Variants in LGI2 observed in about 807,000 individuals in gnomAD.
LGI2 encodes the protein leucine rich repeat LGI family member 2.
A neutral mutation model predicts 52.0 loss-of-function variants in LGI2; 30 were observed. The ratio of observed to expected loss-of-function variants is 0.58; its 90% CI spans 0.43 to 0.78. The LOEUF (loss-of-function observed/expected upper bound fraction) is 0.78, where lower values mean the gene tolerates loss of function less well. Ranked by LOEUF, LGI2 falls within the 30% of genes least tolerant of loss-of-function variation. LGI2 has a pLI of 0.00. For missense variants in LGI2, 573 were observed against 692.5 expected (o/e 0.83, Z 1.94); for synonymous variants, 270 against 271.8 (o/e 0.99, Z 0.06).
chr4:24,993,094 T>C, the LGI2 span, among the ~76,000 whole-genome samples: 1 of 152,216 alleles, frequency 6.6e-6, no homozygotes, highest in African/African-American at 2.4e-5. Context: ...GGATAATGAT[T>C]GGACCTGCCT....
At chr4:25,005,251 T>G (rs981324355) in intron 7 of LGI2, among the ~76,000 whole-genome samples, 3 of 152,172 alleles carry the variant, frequency 2.0e-5, no homozygotes, top group Non-Finnish European at 2.9e-5. Flanking sequence ...CACTGACCAG[T>G]ATACTAAAAC....
rs147252015 is a variant in LGI2, at chr4:25,008,549, GTC to G, written c.820+3784_820+3785del. ...GCCTGGGTGACAAGAGTGAGACTCT[GTC>G]TCAAAAAAAAAAAAAAAAAAAAAAT... On this transcript the variant is annotated intron_variant, in intron 7 of 7. Transcript: ENST00000382114. 3.7e-3 allele frequency among the ~76,000 whole-genome samples: 258 copies of G among 69,200 alleles called. 4 individuals are homozygous for G. Among genetic ancestry groups the G allele is most frequent in the East Asian group, 0.016 (31 of 1,936 alleles). The allele number at this position is 69,200 out of a possible 152,430, so 45.4% of individuals were successfully genotyped here. A position where few individuals can be genotyped will look rare whatever the true frequency, so the allele number is the denominator to read the frequency against.
intron 3 of LGI2, among the ~76,000 whole-genome samples, chr4:25,026,146 C>G (rs1402805242): frequency 1.3e-5 from 2 of 151,348 alleles, no homozygotes; most frequent in African/African-American, 2.4e-5. Flanking sequence ...TGAACTCAGA[C>G]AAGAAAATGA....
Position 25,000,696 on chromosome 4 carries a change from C to A in LGI2, c.*2755G>T, listed in dbSNP as rs13120896. 0.47 allele frequency: 72,174 copies of A among 152,104 alleles called. 17,657 individuals are homozygous for A. Among genetic ancestry groups the A allele is most frequent in the East Asian group, 0.77 (3,988 of 5,170 alleles). 9.4% of individuals were successfully genotyped at this position (152,104 alleles called of 1,614,324 possible). A position where few individuals can be genotyped will look rare whatever the true frequency, so the allele number is the denominator to read the frequency against. The stretch of plus-strand genomic sequence containing the variant: ...AAGAAGAAATAAGCTGAGCAGACGA[C>A]CACCCAGTGGGTGATGGGAGGGAAA... On this transcript the variant is annotated 3_prime_UTR_variant, in exon 8 of 8. Transcript: ENST00000382114.
chr4:25,021,275 CTATT>C (rs76424709), intron 4 of LGI2, among the ~76,000 whole-genome samples: 2,046 of 152,322 alleles, frequency 0.013, 17 homozygotes, highest in Middle Eastern at 0.037. Context: ...ATTTCTAAAA[CTATT>C]TAACAGTTCC....
chr4:25,015,740 C>G (rs926918616), intron 6 of LGI2, among the ~76,000 whole-genome samples: 1 of 146,568 alleles, frequency 6.8e-6, no homozygotes, highest in South Asian at 2.4e-4. Context: ...TAGCTTTTAA[C>G]GAAGCAACAG....
chr4:25,003,370 T>C lies in LGI2; in HGVS notation c.*81A>G, dbSNP rs1342839330. On this transcript the variant is annotated 3_prime_UTR_variant, in exon 8 of 8. Coordinates refer to ENST00000382114, the MANE Select transcript of LGI2 (RefSeq NM_018176.4). Reference sequence around the variant, plus strand: ...TTAATTTCAGAGCTCTGAGCCTGGCTTTGATTTGTTTGTTGATTTTTCTTG... The same window carrying C: ...TTAATTTCAGAGCTCTGAGCCTGGCCTTGATTTGTTTGTTGATTTTTCTTG... 2 of 1,009,460 alleles carry C rather than the reference T, an allele frequency of 2.0e-6. No homozygotes were observed. Among genetic ancestry groups the C allele is most frequent in the African/African-American group, 1.6e-5 (1 of 61,542 alleles). The allele number at this position is 1,009,460 out of a possible 1,614,324, so 62.5% of individuals were successfully genotyped here. A position where few individuals can be genotyped will look rare whatever the true frequency, so the allele number is the denominator to read the frequency against.
chr4:25,022,979 CTG>C (rs1726021993), intron 4 of LGI2, among the ~76,000 whole-genome samples: 1 of 152,200 alleles, frequency 6.6e-6, no homozygotes, highest in Non-Finnish European at 1.5e-5. Flanking sequence ...TTAGTAGACT[CTG>C]TCTGGCCACC....
At position 25,030,764 on chromosome 4, in the gene LGI2, G is replaced by T; in HGVS notation, c.-71C>A. ...CCGCGCGCTCGGACCCGGCGCCGCT[G>T]CAGACGCGGGCGCCGCTCGCTGCTC... is the stretch of plus-strand genomic sequence containing the variant. On this transcript the variant is annotated 5_prime_UTR_variant, in exon 1 of 8. The change creates a premature stop within an existing upstream ORF in the 5' untranslated region. Transcript: ENST00000382114. The T allele has an allele frequency of 1.1e-6, 1 of 884,004 alleles. No homozygotes were observed. The highest frequency in any genetic ancestry group is 1.8e-5 in the African/African-American group (1 of 55,162). The allele number at this position is 884,004 out of a possible 1,614,324, so 54.8% of individuals were successfully genotyped here. A position where few individuals can be genotyped will look rare whatever the true frequency, so the allele number is the denominator to read the frequency against.
At chr4:25,018,228 C>T (rs995586719) in intron 5 of LGI2, 70 bp from the exon 6 acceptor site, 1 of 1,094,712 alleles carries the variant, frequency 9.1e-7, no homozygotes, top group African/African-American at 1.6e-5. Context: ...TTGGTAGTAA[C>T]ACGAAACTCC....
Position 25,028,559 on chromosome 4 carries a change from A to G in LGI2, c.217T>C (p.Phe73Leu). The G allele has an allele frequency of 6.2e-7, 1 of 1,613,268 alleles. No individual in the cohort carries two copies. The highest frequency in any genetic ancestry group is 8.5e-7 in the Non-Finnish European group (1 of 1,179,734). The change falls in exon 2 of 8, where the codon TTT (phenylalanine) becomes CTT (leucine). Residue 73 changes from phenylalanine (F) to leucine (L), a missense_variant. By Grantham distance (22) the Phe-to-Leu change is conservative. Coordinates refer to ENST00000382114, the MANE Select transcript of LGI2 (RefSeq NM_018176.4). ...AACATTCGGTCCTTGATTTCTGAAA[A>G]CGTCCCATTTACCAGGCTCCTACGG... ...ISSLSLVNGT[F>L]SEIKDRMFSH... is the part of the protein sequence containing the mutation.
chr4:25,019,099 G>C, intron 5 of LGI2, 68 bp downstream of exon 5: 1 of 951,426 alleles, frequency 1.1e-6, no homozygotes, highest in African/African-American at 1.6e-5. Flanking sequence ...AAAGGCGAGA[G>C]GGGATTGAAA....
intron 7 of LGI2, among the ~76,000 whole-genome samples, chr4:25,006,933 T>C (rs1725407473): frequency 6.6e-6 from 1 of 152,254 alleles, no homozygotes; most frequent in South Asian, 2.1e-4. Context: ...AGTTGTACTA[T>C]AAATGTGAAA....
Position 25,003,860 on chromosome 4 carries a change from G to A in LGI2, c.1229C>T (p.Pro410Leu). The change falls in exon 8 of 8, where the codon CCC becomes CTC. Residue 410 changes from proline (P) to leucine (L), a missense_variant. Transcript: ENST00000382114. ...QWNKSSKKFV[P>L]HGDIPNMEDV... The stretch of plus-strand genomic sequence containing the variant: ...CTCCATGTTGGGGATGTCACCATGG[G>A]GGACAAACTTCTTAGAGCTTTTATT... 6.2e-7 allele frequency: 1 copy of A among 1,614,158 alleles called. No individual in the cohort carries two copies. Among genetic ancestry groups the A allele is most frequent in the South Asian group, 1.1e-5 (1 of 91,076 alleles).
intron 7 of LGI2, among the ~76,000 whole-genome samples, chr4:25,011,207 C>T (rs1332551260): frequency 6.6e-6 from 1 of 152,170 alleles, no homozygotes; most frequent in African/African-American, 2.4e-5. Flanking sequence ...CCCTATCTTC[C>T]ATGTCAGGAC....
chr4:24,995,589 G>A (rs183388803), downstream of LGI2, among the ~76,000 whole-genome samples: 12 of 152,260 alleles, frequency 7.9e-5, no homozygotes, highest in East Asian at 2.1e-3. Flanking sequence ...TTCAGAGCAT[G>A]GTGGCTGGCC....
chr4:25,023,074 A>ATGATGATGATGT (rs1227281325), intron 4 of LGI2, among the ~76,000 whole-genome samples: 2 of 89,384 alleles, frequency 2.2e-5, no homozygotes, highest in East Asian at 6.5e-3. Context: ...GATGTTGATG[A>ATGATGATGATGT]TGATGATGAT....
At chr4:24,995,162 G>A (rs933161377), downstream of LGI2, among the ~76,000 whole-genome samples, 3 of 152,096 alleles carry the variant, frequency 2.0e-5, no homozygotes, top group Non-Finnish European at 2.9e-5. Context: ...TGGAAATGAC[G>A]TCTCTCTCTT....
chr4:25,013,895 G>T (rs1411092974), intron 6 of LGI2, among the ~76,000 whole-genome samples: 1 of 152,148 alleles, frequency 6.6e-6, no homozygotes, highest in Non-Finnish European at 1.5e-5. Context: ...GTTGGCACTA[G>T]CAGTGCCAAC....
Sources: allele counts gnomAD v4.1 joint callset (sites outside exome capture counted in the v4.1 genomes callset), GRCh38; gene constraint gnomAD v4.1.1; transcripts MANE v1.5; gene names NCBI Gene and HGNC (gene_info 2026-07-23, HGNC 2026-07-21).